CHD9: variants seen among roughly 807,000 people sequenced by gnomAD.
The protein encoded by CHD9 is ATP-dependent chromatin remodeler CHD9.
A neutral mutation model predicts 316.1 loss-of-function variants in CHD9; 77 were observed. That is an observed-to-expected ratio of 0.24 (90% CI 0.20 to 0.29). CHD9 has a LOEUF of 0.29. Ranked by LOEUF, CHD9 falls within the 10% of genes least tolerant of loss-of-function variation. The pLI is 1.00. For synonymous variants in CHD9, 1,129 were observed against 1,158.3 expected, an observed-to-expected ratio of 0.97 and a Z score of 0.51; for missense variants, 2,763 against 3,438.1, an observed-to-expected ratio of 0.80 and a Z score of 4.91.
At chr16:53,166,368 C>T (rs2042269225) in intron 2 of CHD9, among the ~76,000 whole-genome samples, 1 of 151,960 alleles carries the variant, frequency 6.6e-6, no homozygotes, top group South Asian at 2.1e-4. Context: ...GAAAACCCAG[C>T]TATTGGTGAG....
intron 11 of CHD9, 43 bp downstream of exon 11, chr16:53,235,349 T>A (rs1374759988): frequency 7.6e-7 from 1 of 1,309,428 alleles, no homozygotes; most frequent in South Asian, 1.4e-5. Flanking sequence ...TTTTTTAATG[T>A]GTGCCAAAAT....
At chr16:53,235,643 G>C (rs1193062736) in intron 11 of CHD9, among the ~76,000 whole-genome samples, 2 of 152,126 alleles carry the variant, frequency 1.3e-5, no homozygotes, top group Non-Finnish European at 2.9e-5. Context: ...GTTCGAGTTA[G>C]TGAGTTATGA....
rs1372562229 is a variant in CHD9, at chr16:53,301,576, A to G, written c.5714-2144A>G. Among the ~76,000 whole-genome samples the G allele has an allele frequency of 3.3e-5, 5 of 152,312 alleles. No homozygotes were observed. The East Asian group carries it at 9.6e-4, about 29-fold the overall frequency. On this transcript the variant is annotated intron_variant, in intron 30 of 38. Coordinates refer to ENST00000447540, the MANE Select transcript of CHD9 (RefSeq NM_001308319.2). Reference sequence around the variant, plus strand: ...TGTGTGCACTGGTTGGGCACTGTATAACTTTTCAAATCTTAGAAGTAGACT... The same window carrying G: ...TGTGTGCACTGGTTGGGCACTGTATGACTTTTCAAATCTTAGAAGTAGACT...
rs1339719877 is a variant in CHD9 at position 53,267,419 on chromosome 16, A to G, written c.4446A>G (p.Arg1482=). The G allele has an allele frequency of 6.2e-7, 1 of 1,612,610 alleles. No homozygotes were observed. Among genetic ancestry groups the G allele is most frequent in the Non-Finnish European group, 8.5e-7 (1 of 1,179,216 alleles). The stretch of plus-strand genomic sequence containing the variant: ...GAGATGAAAAGCCCAAACTCCGGAG[A>G]CCCTGTGACCGTTCCAATGGCTATG... ...SEGDEKPKLR[R]PCDRSNGYGR... Residue 1482 remains arginine (R), a synonymous_variant, in exon 21 of 39, where the codon AGA becomes AGG. Transcript: ENST00000447540.
chr16:53,314,803 C>T lies in CHD9; in HGVS notation c.7363-20C>T, dbSNP rs758629330. 7.3e-6 allele frequency: 11 copies of T among 1,497,758 alleles called. No homozygotes were observed. The highest frequency in any genetic ancestry group is 1.0e-5 in the Non-Finnish European group (11 of 1,086,774). 92.8% of individuals were successfully genotyped at this position (1,497,758 alleles called of 1,614,324 possible). A position where few individuals can be genotyped will look rare whatever the true frequency, so the allele number is the denominator to read the frequency against. On this transcript the variant is annotated intron_variant, in intron 35 of 38. Coordinates refer to ENST00000447540, the MANE Select transcript of CHD9 (RefSeq NM_001308319.2). ...TGATAAAGTATGAAAATAAAGATAC[C>T]ATTTGGTGTTTTTTTACAGGTTTCT... is the stretch of plus-strand genomic sequence containing the variant.
intron 12 of CHD9, among the ~76,000 whole-genome samples, chr16:53,242,261 A>G (rs1475998713): frequency 6.6e-6 from 1 of 152,128 alleles, no homozygotes; most frequent in Non-Finnish European, 1.5e-5. Context: ...CCTTATCTCT[A>G]ACTTACTTTT....
intron 6 of CHD9, 26 bp from the exon 7 acceptor site, chr16:53,227,522 C>T (rs759715364): frequency 1.4e-6 from 2 of 1,475,088 alleles, no homozygotes; most frequent in Non-Finnish European, 1.8e-6. Context: ...TTAAAAGAGT[C>T]ACCATTACTG....
intron 22 of CHD9, among the ~76,000 whole-genome samples, chr16:53,271,693 A>T (rs1025767779): frequency 6.6e-6 from 1 of 152,158 alleles, no homozygotes; most frequent in Non-Finnish European, 1.5e-5. Flanking sequence ...AAGATACTTC[A>T]AATATACCAT....
intron 2 of CHD9, chr16:53,208,133 T>C: frequency 9.4e-7 from 1 of 1,065,000 alleles, no homozygotes; most frequent in Non-Finnish European, 1.1e-6. Context: ...GGATGAACAG[T>C]AGATATAAAC....
intron 1 of CHD9, among the ~76,000 whole-genome samples, chr16:53,152,731 G>T (rs895752013): frequency 6.6e-6 from 1 of 152,178 alleles, no homozygotes; most frequent in Non-Finnish European, 1.5e-5. Context: ...AAGATGAGAA[G>T]TCAAGTAGTT....
chr16:53,109,075 T>C (rs2037620102), intron 1 of CHD9, among the ~76,000 whole-genome samples: 1 of 152,118 alleles, frequency 6.6e-6, no homozygotes, highest in Admixed American at 6.5e-5. Flanking sequence ...TTGCCACTGC[T>C]GGAAAGCAGG....
intron 1 of CHD9, among the ~76,000 whole-genome samples, chr16:53,128,055 A>G (rs1271914656): frequency 6.6e-6 from 1 of 151,996 alleles, no homozygotes; most frequent in Non-Finnish European, 1.5e-5. Context: ...AAACGTATCT[A>G]TTGTAGGATG....
rs141018453 is a variant in CHD9 at position 53,282,661 on chromosome 16, T to A, written c.4968-2935T>A. 1.4e-3 allele frequency among the ~76,000 whole-genome samples: 216 copies of A among 152,280 alleles called. 1 individual carries two copies. The highest frequency in any genetic ancestry group is 1.8e-3 in the Non-Finnish European group (124 of 68,020). On this transcript the variant is annotated intron_variant, in intron 24 of 38. Transcript: ENST00000447540. ...GTTTGTTGTCTTCTTTTTCTTCCCT[T>A]CCATTCACTATGCAATCTACCACAA...
rs533514477 is a variant in CHD9 at position 53,209,503 on chromosome 16, G to A, written c.1474G>A (p.Asp492Asn). The A allele has an allele frequency of 2.9e-5, 47 of 1,603,496 alleles. No individual in the cohort carries two copies. Among genetic ancestry groups the A allele is most frequent in the African/African-American group, 1.2e-4 (9 of 74,568 alleles). ...QRQPPSSKKS[D>N]GSGTYTKLQN... is the part of the protein sequence containing the mutation. ...GTAGCCTCCATCTTCCAAGAAGAGC[G>A]ATGGTTCTGGGACATATACTAAGTT... is the stretch of plus-strand genomic sequence containing the variant. Residue 492 changes from aspartate (D) to asparagine (N), a missense_variant, in exon 3 of 39, where the codon GAT becomes AAT. By Grantham distance (23) the Asp-to-Asn change is conservative. Around this residue, in one of 15 missense-constraint regions of CHD9, gnomAD observed 859 missense variants for 890.4 expected, o/e 0.96. Coordinates refer to ENST00000447540, the MANE Select transcript of CHD9 (RefSeq NM_001308319.2).
chr16:53,291,795 T>C (rs763867587), intron 28 of CHD9, 28 bp downstream of exon 28: 160 of 1,362,248 alleles, frequency 1.2e-4, no homozygotes, highest in Non-Finnish European at 1.5e-4. Context: ...CTGTACTTAG[T>C]ATTATTGTAA....
intron 3 of CHD9, among the ~76,000 whole-genome samples, chr16:53,220,048 G>A (rs539510969): frequency 1.3e-5 from 2 of 152,280 alleles, no homozygotes; most frequent in South Asian, 4.1e-4. Context: ...TAGCCTCAAG[G>A]GAGATTTTTA....
chr16:53,157,052 T>C lies in CHD9; in HGVS notation c.963T>C (p.Ser321=). The change falls in exon 2 of 39, where the codon TCT becomes TCC. Residue 321 remains serine (S), a synonymous_variant. Coordinates refer to ENST00000447540, the MANE Select transcript of CHD9 (RefSeq NM_001308319.2). ...CTCATAGAGGAATCAAGCAAGAATC[T>C]ACTCAGCATATCCTAAACCCCAATA... ...FSPHRGIKQE[S]TQHILNPNTS... 2 of 1,613,216 alleles carry C rather than the reference T, an allele frequency of 1.2e-6. No homozygotes were observed. The highest frequency in any genetic ancestry group is 1.7e-6 in the Non-Finnish European group (2 of 1,179,770).
At chr16:53,158,893 T>C (rs1412418539) in intron 2 of CHD9, among the ~76,000 whole-genome samples, 1 of 152,190 alleles carries the variant, frequency 6.6e-6, no homozygotes, top group East Asian at 1.9e-4. Context: ...CTCCTCGGCC[T>C]CCCAAAGTGC....
chr16:53,105,213 A>G (rs544854527), intron 1 of CHD9, among the ~76,000 whole-genome samples: 1 of 152,300 alleles, frequency 6.6e-6, no homozygotes, highest in Admixed American at 6.5e-5. Context: ...GAAAGGATAT[A>G]TAGTGAGGTG....
Sources: gnomAD v4.1 joint callset for allele counts (sites outside exome capture counted in the v4.1 genomes callset) on GRCh38, gnomAD v4.1.1 for gene constraint, gnomAD v4.1.1 regional missense constraint, MANE v1.5 for transcripts, NCBI Gene and HGNC (gene_info 2026-07-23, HGNC 2026-07-21) for gene names.